PCDH11X: variants seen among roughly 807,000 people sequenced by gnomAD.
The protein encoded by PCDH11X is protocadherin 11 X-linked.
PCDH11X carries 18 observed loss-of-function variants against 53.3 expected under a neutral mutation model. The ratio of observed to expected loss-of-function variants is 0.34; its 90% CI spans 0.23 to 0.50. PCDH11X has a LOEUF of 0.50. Ranked by LOEUF, PCDH11X falls within the 20% of genes least tolerant of loss-of-function variation. The pLI, the probability that PCDH11X is intolerant of heterozygous loss-of-function variation, is 0.98. For synonymous variants in PCDH11X, 279 were observed against 393.3 expected (o/e 0.71, Z 3.44); for missense variants, 570 against 1,032.4 (o/e 0.55, Z 6.14).
At chrX:91,972,807 T>C (rs2061983730) in intron 6 of PCDH11X, among the ~76,000 whole-genome samples, 1 of 111,166 alleles carries the variant, frequency 9.0e-6, no homozygotes, top group African/African-American at 3.3e-5. Flanking sequence ...CATTGATCTA[T>C]GGTACCAGTA....
intron 6 of PCDH11X, among the ~76,000 whole-genome samples, chrX:92,026,484 C>G (rs763444588): frequency 9.0e-6 from 1 of 110,525 alleles, no homozygotes; most frequent in African/African-American, 3.3e-5. Flanking sequence ...AGAGGAGATA[C>G]ATTTCCCATA....
chrX:92,131,484 A>C (rs1459267718), intron 6 of PCDH11X, among the ~76,000 whole-genome samples: 1 of 111,566 alleles, frequency 9.0e-6, no homozygotes, highest in Non-Finnish European at 1.9e-5. Flanking sequence ...CAATAAGGAG[A>C]TGCAGATGAA....
chrX:91,927,470 A>G (rs1291127684), intron 6 of PCDH11X, among the ~76,000 whole-genome samples: 9 of 110,621 alleles, frequency 8.1e-5, no homozygotes, highest in Non-Finnish European at 1.5e-4. Context: ...AATGGTAAGG[A>G]ATCCAGCCTT....
intron 10 of PCDH11X, among the ~76,000 whole-genome samples, chrX:92,542,606 T>C (rs2074776545): frequency 9.0e-6 from 1 of 111,643 alleles, no homozygotes; most frequent in Non-Finnish European, 1.9e-5. Flanking sequence ...TCATTTAGAA[T>C]GAGAAAATAA....
At chrX:92,442,174 A>G (rs1465879160) in intron 9 of PCDH11X, among the ~76,000 whole-genome samples, 2 of 110,982 alleles carry the variant, frequency 1.8e-5, no homozygotes, top group African/African-American at 6.6e-5. Flanking sequence ...TTTTGATTTT[A>G]CACACTCATA....
At chrX:92,434,519 G>A (rs1034404281) in intron 9 of PCDH11X, among the ~76,000 whole-genome samples, 13 of 110,344 alleles carry the variant, frequency 1.2e-4, no homozygotes, top group African/African-American at 1.6e-4. Context: ...AAGTAATGAC[G>A]TAGAGCCACA....
At chrX:92,435,650 C>G (rs1237793750) in intron 9 of PCDH11X, among the ~76,000 whole-genome samples, 7 of 111,270 alleles carry the variant, frequency 6.3e-5, no homozygotes, top group Non-Finnish European at 1.1e-4. Flanking sequence ...AACAAACAAA[C>G]AAACAAATTC....
chrX:92,243,802 A>C (rs2067303163), intron 7 of PCDH11X, among the ~76,000 whole-genome samples: 2 of 111,377 alleles, frequency 1.8e-5, no homozygotes, highest in Admixed American at 1.9e-4. Context: ...AAGTTTTTCT[A>C]TCTCTCTGTA....
intron 8 of PCDH11X, among the ~76,000 whole-genome samples, chrX:92,344,027 A>G (rs1378570999): frequency 2.7e-5 from 3 of 109,587 alleles, no homozygotes; most frequent in African/African-American, 9.9e-5. Flanking sequence ...ACATTATTCT[A>G]TATATAGTAG....
intron 6 of PCDH11X, among the ~76,000 whole-genome samples, chrX:92,003,524 CT>C (rs1393581239): frequency 3.6e-5 from 3 of 84,380 alleles, no homozygotes; most frequent in Non-Finnish European, 4.7e-5. Context: ...TTTTTTTTTT[CT>C]TTTTTTTTGA....
intron 6 of PCDH11X, among the ~76,000 whole-genome samples, chrX:92,179,099 G>A (rs1346623751): frequency 8.9e-6 from 1 of 111,923 alleles, no homozygotes; most frequent in African/African-American, 3.2e-5. Context: ...TATGCTCAAA[G>A]AAGTCAGAAG....
intron 6 of PCDH11X, among the ~76,000 whole-genome samples, chrX:91,884,190 C>CAAAAAAA (rs34953838): frequency 1.3e-3 from 49 of 37,709 alleles, no homozygotes; most frequent in Non-Finnish European, 1.6e-3. Context: ...GACTCCGTCT[C>CAAAAAAA]AAAAAAAAAA....
rs377269087 is a variant in PCDH11X, at chrX:92,250,595, GTA to G, written c.3115-12504_3115-12503del. 8.0e-3 allele frequency among the ~76,000 whole-genome samples: 796 copies of G among 99,479 alleles called. 8 individuals carry two copies. Among genetic ancestry groups the G allele is most frequent in the African/African-American group, 0.027 (756 of 28,104 alleles). 86.4% of individuals were successfully genotyped at this position (99,479 alleles called of 115,157 possible). ...TGTTTAAACAAAATAATGTGTGTAT[GTA>G]TATATATATATATAAAATAATATGT... is the stretch of plus-strand genomic sequence containing the variant. On this transcript the variant is annotated intron_variant, in intron 7 of 10. Coordinates refer to ENST00000682573, the MANE Select transcript of PCDH11X (RefSeq NM_032968.5).
Position 92,552,833 on chromosome X carries a change from A to C in PCDH11X, c.3368-65431A>C, listed in dbSNP as rs761491875. ...ACCTTCTGTTTATATGATTTATCAC[A>C]TTGATTGATTTTTGTGTGTTGAACC... On this transcript the variant is annotated intron_variant, in intron 10 of 10. Transcript: ENST00000682573. 2.7e-5 allele frequency among the ~76,000 whole-genome samples: 3 copies of C among 111,016 alleles called. No homozygotes were observed. In the East Asian group the frequency reaches 8.5e-4, roughly 31 times the overall value.
chrX:92,410,761 C>A (rs2071627189), intron 9 of PCDH11X, among the ~76,000 whole-genome samples: 1 of 94,532 alleles, frequency 1.1e-5, no homozygotes, highest in African/African-American at 5.0e-5. Context: ...ATCAACAATG[C>A]CAAAATATTA....
At chrX:91,925,333 T>A (rs1442002773) in intron 6 of PCDH11X, among the ~76,000 whole-genome samples, 1 of 111,016 alleles carries the variant, frequency 9.0e-6, no homozygotes, top group East Asian at 2.9e-4. Flanking sequence ...AAAGGTTGTA[T>A]GGGTACTCAA....
chrX:92,231,771 A>G (rs1569433146), intron 7 of PCDH11X, among the ~76,000 whole-genome samples: 1 of 112,211 alleles, frequency 8.9e-6, no homozygotes, highest in African/African-American at 3.2e-5. Flanking sequence ...GGGAGATTAC[A>G]AGGCATATGC....
At chrX:92,010,143 A>T (rs1009349138) in intron 6 of PCDH11X, among the ~76,000 whole-genome samples, 1 of 111,452 alleles carries the variant, frequency 9.0e-6, no homozygotes, top group Non-Finnish European at 1.9e-5. Context: ...GCACATGGAA[A>T]AATGAATATG....
intron 10 of PCDH11X, among the ~76,000 whole-genome samples, chrX:92,501,650 G>A (rs1189370795): frequency 9.0e-6 from 1 of 111,306 alleles, no homozygotes; most frequent in Non-Finnish European, 1.9e-5. Flanking sequence ...TGCAGAAAAG[G>A]CCTTCGATAA....
Sources: gnomAD v4.1 joint callset for allele counts (sites outside exome capture counted in the v4.1 genomes callset) on GRCh38, gnomAD v4.1.1 for gene constraint, MANE v1.5 for transcripts, NCBI Gene and HGNC (gene_info 2026-07-23, HGNC 2026-07-21) for gene names.